PRRC1: variants seen among roughly 807,000 people sequenced by gnomAD.
PRRC1 encodes proline rich coiled-coil 1.
Under a neutral mutation model 40.7 loss-of-function variants are expected in PRRC1, and 39 were observed. The ratio of observed to expected loss-of-function variants is 0.96; its 90% CI spans 0.74 to 1.25. The LOEUF (loss-of-function observed/expected upper bound fraction) is 1.25, where lower values mean the gene tolerates loss of function less well. Among genes scored for constraint, PRRC1 ranks in the 50% most tolerant of loss-of-function variants. The pLI is 0.00. For missense variants in PRRC1, 573 were observed against 548.3 expected (o/e 1.05, Z -0.45); for synonymous variants, 175 against 193.3 (o/e 0.91, Z 0.79).
intron 8 of PRRC1, chr5:127,548,336 C>A: frequency 3.2e-6 from 1 of 312,980 alleles, no homozygotes; most frequent in Non-Finnish European, 5.9e-6. Context: ...TTAGTGAAAT[C>A]AACATTAGAA....
chr5:127,554,499 ATAATT>A lies in PRRC1; in HGVS notation c.*2588_*2592del, dbSNP rs1355867652. On this transcript the variant is annotated 3_prime_UTR_variant, in exon 9 of 9. Transcript: ENST00000296666. The stretch of plus-strand genomic sequence containing the variant: ...AAAGGAAACAAAGAATGCAGGAAAA[ATAATT>A]TAATATCAACCTCAGTTGACAAGGT... 4 of 135,642 alleles carry A rather than the reference ATAATT, an allele frequency of 2.9e-5. No homozygotes were observed. The South Asian group carries it at 7.2e-4, about 24-fold the overall frequency. The allele number at this position is 135,642 out of a possible 1,614,324, so 8.4% of individuals were successfully genotyped here. A position where few individuals can be genotyped will look rare whatever the true frequency, so the allele number is the denominator to read the frequency against.
In PRRC1 at chr5:127,552,182, A is replaced by G; in HGVS notation, c.*266A>G. 2.5e-6 allele frequency: 3 copies of G among 1,199,648 alleles called. No homozygotes were observed. In the South Asian group the frequency reaches 7.5e-5, roughly 30 times the overall value. 74.3% of individuals were successfully genotyped at this position (1,199,648 alleles called of 1,614,324 possible). A position where few individuals can be genotyped will look rare whatever the true frequency, so the allele number is the denominator to read the frequency against. On this transcript the variant is annotated 3_prime_UTR_variant, in exon 9 of 9. Transcript: ENST00000296666. ...AAATCTATTTACAGCACAATTTAAT[A>G]TACCAGATTTATAAGGTGGAAATTC...
intron 8 of PRRC1, chr5:127,551,075 A>G (rs774382305): frequency 6.5e-6 from 1 of 154,640 alleles, no homozygotes; most frequent in Non-Finnish European, 1.4e-5. Context: ...AGATGTGGCT[A>G]TACTTCTCTG....
chr5:127,536,443 T>G (rs761658923), intron 6 of PRRC1, among the ~76,000 whole-genome samples: 1 of 152,052 alleles, frequency 6.6e-6, no homozygotes, highest in Non-Finnish European at 1.5e-5. Context: ...ATACTTAGAT[T>G]GAGAATGTAT....
At chr5:127,541,582 T>C (rs1416460832) in intron 7 of PRRC1, among the ~76,000 whole-genome samples, 1 of 152,188 alleles carries the variant, frequency 6.6e-6, no homozygotes, top group Non-Finnish European at 1.5e-5. Context: ...GAGATTCAAC[T>C]TCTTCCTGGT....
At chr5:127,530,259 G>C in intron 4 of PRRC1, 35 bp from the exon 5 acceptor site, 1 of 1,573,920 alleles carries the variant, frequency 6.4e-7, no homozygotes, top group Middle Eastern at 1.7e-4. Context: ...TCCTCACTTA[G>C]AGTGAATACT....
intron 7 of PRRC1, among the ~76,000 whole-genome samples, chr5:127,543,905 G>A (rs376525540): frequency 5.9e-4 from 90 of 152,252 alleles, no homozygotes; most frequent in African/African-American, 1.9e-3. Context: ...GCTTTGTTCC[G>A]TTGCTGGTGA....
At chr5:127,519,493 ACTT>A (rs1399002315) in intron 1 of PRRC1, among the ~76,000 whole-genome samples, 1 of 152,166 alleles carries the variant, frequency 6.6e-6, no homozygotes, top group Non-Finnish European at 1.5e-5. Flanking sequence ...GATCCATTGA[ACTT>A]CTCAGATAGT....
rs200941536 is a variant in PRRC1, at chr5:127,530,273, A to G, written c.655-21A>G. 613 of 1,600,342 alleles carry G rather than the reference A, an allele frequency of 3.8e-4. 5 individuals are homozygous for G. In the African/African-American group the frequency reaches 7.3e-3, roughly 19 times the overall value. On this transcript the variant is annotated intron_variant, in intron 4 of 8. Transcript: ENST00000296666. ...TTCCTCACTTAGAGTGAATACTTAC[A>G]TATTGATTTGTTTTATGCAGGGTGT...
chr5:127,522,173 G>A (rs1286399012), intron 1 of PRRC1, among the ~76,000 whole-genome samples: 1 of 152,132 alleles, frequency 6.6e-6, no homozygotes, highest in Non-Finnish European at 1.5e-5. Flanking sequence ...TTAGAAGTTG[G>A]TTCTGTACTT....
Position 127,539,248 on chromosome 5 carries a change from G to A in PRRC1, c.1025+105G>A, listed in dbSNP as rs1027652100. 3.8e-6 allele frequency: 3 copies of A among 786,414 alleles called. No homozygotes were observed. In the African/African-American group the frequency reaches 5.2e-5, roughly 14 times the overall value. 48.7% of individuals were successfully genotyped at this position (786,414 alleles called of 1,614,324 possible). A position where few individuals can be genotyped will look rare whatever the true frequency, so the allele number is the denominator to read the frequency against. On this transcript the variant is annotated intron_variant, in intron 7 of 8. Transcript: ENST00000296666. The stretch of plus-strand genomic sequence containing the variant: ...TCCTGTTTTATAACCAGAGAGAAAA[G>A]TATATTTTGATGCTGGCTATATCAC...
In PRRC1 at chr5:127,533,486, A is replaced by G. The variant is rs542135602; in HGVS notation, c.758-137A>G. ...CAGTTTTCTCAAGCATATAAAAAAG[A>G]TAATGATCTATATCTTGCATGGTTT... On this transcript the variant is annotated intron_variant, in intron 5 of 8. Transcript: ENST00000296666. The G allele has an allele frequency of 2.4e-5, 19 of 784,720 alleles. No homozygotes were observed. The African/African-American group carries it at 2.6e-4, about 11-fold the overall frequency. 48.6% of individuals were successfully genotyped at this position (784,720 alleles called of 1,614,324 possible).
chr5:127,524,684 T>G lies in PRRC1; in HGVS notation c.257T>G (p.Leu86Arg). 1 of 1,614,190 alleles carries G rather than the reference T, an allele frequency of 6.2e-7. No homozygotes were observed. Among genetic ancestry groups the G allele is most frequent in the African/African-American group, 1.3e-5 (1 of 75,048 alleles). Residue 86 changes from leucine (L) to arginine (R), a missense_variant, in exon 3 of 9, where the codon CTT (leucine) becomes CGT (arginine). Transcript: ENST00000296666. ...CCTGCAGTTCCTTCTGTCCCACCAC[T>G]TGTTACTTCTATGCCACCTCCTGTT... ...PPPAVPSVPPLVTSMPPPVSP... is the reference protein window; with the variant it reads ...PPPAVPSVPPRVTSMPPPVSP...
At chr5:127,530,086 G>T (rs1302512486) in intron 4 of PRRC1, among the ~76,000 whole-genome samples, 1 of 151,988 alleles carries the variant, frequency 6.6e-6, no homozygotes, top group Non-Finnish European at 1.5e-5. Context: ...ATTGCTGCTG[G>T]TCTACACACT....
intron 7 of PRRC1, among the ~76,000 whole-genome samples, chr5:127,541,606 A>G (rs1262329056): frequency 6.6e-6 from 1 of 151,952 alleles, no homozygotes; most frequent in Non-Finnish European, 1.5e-5. Context: ...GTCTTGGGAG[A>G]GTGTATGTAT....
chr5:127,540,981 C>T (rs1308471130), intron 7 of PRRC1, among the ~76,000 whole-genome samples: 1 of 152,116 alleles, frequency 6.6e-6, no homozygotes, highest in Non-Finnish European at 1.5e-5. Flanking sequence ...CCAGTTTTTG[C>T]CCATTCAGTA....
At position 127,551,807 on chromosome 5, in the gene PRRC1, C is replaced by T. The variant is rs755517933; in HGVS notation, c.1229C>T (p.Thr410Ile). 6.2e-7 allele frequency: 1 copy of T among 1,614,088 alleles called. No individual in the cohort carries two copies. The highest frequency in any genetic ancestry group is 8.5e-7 in the Non-Finnish European group (1 of 1,179,998). Residue 410 changes from threonine to isoleucine, a missense_variant, in exon 9 of 9, where the codon ACT becomes ATT. Coordinates refer to ENST00000296666, the MANE Select transcript of PRRC1 (RefSeq NM_130809.5). Reference sequence around the variant, plus strand: ...AAGAGTTTACTGAATGTCAGCCGGACTGATTGGCACATGGCATTTACTGGG... The same window carrying T: ...AAGAGTTTACTGAATGTCAGCCGGATTGATTGGCACATGGCATTTACTGGG... ...LEKSLLNVSR[T>I]DWHMAFTGMS...
chr5:127,539,164 T>C (rs574664743), intron 7 of PRRC1, 21 bp downstream of exon 7: 3 of 1,582,904 alleles, frequency 1.9e-6, no homozygotes, highest in African/African-American at 2.7e-5. Context: ...TATGTTTCTC[T>C]TGGAAGCAAA....
At chr5:127,528,244 T>C (rs997804426) in intron 4 of PRRC1, among the ~76,000 whole-genome samples, 5 of 152,178 alleles carry the variant, frequency 3.3e-5, no homozygotes, top group Non-Finnish European at 7.3e-5. Context: ...TTAATACCCT[T>C]TTTGACAGAA....
Sources: gnomAD v4.1 joint callset for allele counts (sites outside exome capture counted in the v4.1 genomes callset) on GRCh38, gnomAD v4.1.1 for gene constraint, MANE v1.5 for transcripts, NCBI Gene and HGNC (gene_info 2026-07-23, HGNC 2026-07-21) for gene names.